Variants in BAZ2B observed in about 807,000 individuals in gnomAD.
The protein encoded by BAZ2B is bromodomain adjacent to zinc finger domain 2B.
Under a neutral mutation model 246.0 loss-of-function variants are expected in BAZ2B, and 91 were observed. The ratio of observed to expected loss-of-function variants is 0.37; its 90% confidence interval spans 0.31 to 0.44. The LOEUF is 0.44. Among genes scored for constraint, BAZ2B ranks in the 20% least tolerant of loss-of-function variants. The probability of loss-of-function intolerance (pLI) is 1.00; values close to 1 mark genes in which losing one functional copy is unlikely to be tolerated. For synonymous variants in BAZ2B, 855 were observed against 860.0 expected, an observed-to-expected ratio of 0.99 and a Z score of 0.10; for missense variants, 2,332 against 2,533.7, an observed-to-expected ratio of 0.92 and a Z score of 1.71.
the BAZ2B span, among the ~76,000 whole-genome samples, chr2:159,682,511 C>T: frequency 1.3e-5 from 2 of 152,030 alleles, no homozygotes; most frequent in African/African-American, 2.4e-5. Context: ...ACATTTGGAA[C>T]TGGAAGGCAA....
chr2:159,572,971 A>C (rs1684388572), intron 1 of BAZ2B, among the ~76,000 whole-genome samples: 1 of 152,208 alleles, frequency 6.6e-6, no homozygotes, highest in South Asian at 2.1e-4. Flanking sequence ...GAAGATGAGA[A>C]GTGCTCACTA....
intron 2 of BAZ2B, among the ~76,000 whole-genome samples, chr2:159,537,368 T>C (rs1217957270): frequency 6.6e-6 from 1 of 152,266 alleles, no homozygotes; most frequent in Non-Finnish European, 1.5e-5. Context: ...GTGATTGAAC[T>C]GTACATCCCC....
chr2:159,577,946 G>A lies in BAZ2B; in HGVS notation c.-45-22081C>T, dbSNP rs13023160. ...AGAGGACTTAAGTAATTTAAAGAAA[G>A]CTACATCAAATTGTCTGAAACCTCA... On this transcript the variant is annotated intron_variant, in intron 1 of 36. Coordinates refer to ENST00000392783, the MANE Select transcript of BAZ2B (RefSeq NM_013450.4). Among the ~76,000 whole-genome samples, 141 of 152,260 alleles carry A rather than the reference G, an allele frequency of 9.3e-4. 1 individual carries two copies. Among genetic ancestry groups the A allele is most frequent in the Middle Eastern group, 3.4e-3 (1 of 294 alleles).
chr2:159,711,050 G>A, the BAZ2B span, among the ~76,000 whole-genome samples: 2 of 152,068 alleles, frequency 1.3e-5, no homozygotes, highest in East Asian at 1.9e-4. Context: ...TATTAACCCC[G>A]TTTTACAGGA....
chr2:159,609,149 C>T (rs1694159505), intron 1 of BAZ2B, among the ~76,000 whole-genome samples: 1 of 152,204 alleles, frequency 6.6e-6, no homozygotes, highest in South Asian at 2.1e-4. Context: ...CTCCTCTTTC[C>T]TTACAGTTAT....
chr2:159,400,731 G>C (rs980322962), intron 16 of BAZ2B, 67 bp from the exon 17 acceptor site: 3 of 956,762 alleles, frequency 3.1e-6, no homozygotes, highest in African/African-American at 1.7e-5. Flanking sequence ...TATTTGAGTG[G>C]AATCAAATAA....
intron 27 of BAZ2B, among the ~76,000 whole-genome samples, chr2:159,367,869 T>TA (rs1056271835): frequency 2.6e-5 from 4 of 151,896 alleles, no homozygotes; most frequent in Non-Finnish European, 4.4e-5. Flanking sequence ...GCCTGGGAGA[T>TA]AGAGTGAGAA....
chr2:159,474,106 C>T (rs1055711501), intron 3 of BAZ2B, among the ~76,000 whole-genome samples: 11 of 151,974 alleles, frequency 7.2e-5, no homozygotes, highest in African/African-American at 1.7e-4. Context: ...GTTCAAGTCC[C>T]GAATATCCTT....
intron 3 of BAZ2B, among the ~76,000 whole-genome samples, chr2:159,470,907 G>A (rs1170706392): frequency 6.6e-6 from 1 of 152,080 alleles, no homozygotes; most frequent in East Asian, 1.9e-4. Context: ...AGCTCAGAGA[G>A]AAAGTCTGGG....
chr2:159,473,458 A>G (rs577656880), intron 3 of BAZ2B, among the ~76,000 whole-genome samples: 3 of 151,626 alleles, frequency 2.0e-5, no homozygotes, highest in African/African-American at 4.8e-5. Flanking sequence ...TCTTCTCTCT[A>G]TTTTTTATTA....
At chr2:159,627,621 C>T in the BAZ2B span, among the ~76,000 whole-genome samples, 7 of 152,226 alleles carry the variant, frequency 4.6e-5, no homozygotes, top group South Asian at 1.0e-3. Flanking sequence ...TTCAAAACCC[C>T]TTCATGCTAA....
At chr2:159,565,542 G>C (rs368500218) in intron 1 of BAZ2B, among the ~76,000 whole-genome samples, 1 of 152,146 alleles carries the variant, frequency 6.6e-6, no homozygotes, top group South Asian at 2.1e-4. Context: ...ACTTTGGGTG[G>C]CCAAGGCGGG....
At chr2:159,504,465 C>T (rs866259062) in intron 2 of BAZ2B, among the ~76,000 whole-genome samples, 4 of 152,126 alleles carry the variant, frequency 2.6e-5, no homozygotes, top group African/African-American at 9.7e-5. Context: ...CAGCTTCCTG[C>T]GTAGTTGAGA....
intron 10 of BAZ2B, among the ~76,000 whole-genome samples, chr2:159,429,954 A>C (rs187058387): frequency 6.6e-6 from 1 of 152,294 alleles, no homozygotes. Context: ...ATGAGAACTG[A>C]GAGTAGTTGT....
intron 14 of BAZ2B, among the ~76,000 whole-genome samples, chr2:159,408,175 A>G (rs1333643398): frequency 6.6e-6 from 1 of 152,198 alleles, no homozygotes; most frequent in African/African-American, 2.4e-5. Context: ...ACAAGTACAC[A>G]GTAATTTTTG....
chr2:159,625,010 AGC>A, the BAZ2B span, among the ~76,000 whole-genome samples: 12 of 152,130 alleles, frequency 7.9e-5, no homozygotes, highest in Non-Finnish European at 1.5e-5. Context: ...TGAAAAACAC[AGC>A]ACGAGAACTT....
intron 1 of BAZ2B, among the ~76,000 whole-genome samples, chr2:159,572,812 A>C (rs527922239): frequency 2.8e-4 from 43 of 152,214 alleles, no homozygotes; most frequent in Non-Finnish European, 5.6e-4. Context: ...AAACCAAAAC[A>C]AAAACAAAAA....
intron 2 of BAZ2B, among the ~76,000 whole-genome samples, chr2:159,501,883 G>A (rs529732818): frequency 1.3e-5 from 2 of 152,230 alleles, no homozygotes; most frequent in African/African-American, 4.8e-5. Flanking sequence ...GTACCTGAAT[G>A]TTCATAGCTA....
rs755077207 is a variant in BAZ2B at position 159,478,608 on chromosome 2, C to G, written c.112G>C (p.Val38Leu). ...TTGATTGTAGAGCTAAGTGAAGCAACTCCAGTGGAAAGGCCACCTTTTGAA... is the reference window on the plus strand; with the variant it reads ...TTGATTGTAGAGCTAAGTGAAGCAAGTCCAGTGGAAAGGCCACCTTTTGAA... ...VVSKGGLSTG[V>L]ASLSSTINPC... Residue 38 changes from valine (V) to leucine (L), a missense_variant, in exon 3 of 37, where the codon GTT becomes CTT. Around this residue, in one of 9 missense-constraint regions of BAZ2B, gnomAD observed 242 missense variants for 237.4 expected, o/e 1.02. Transcript: ENST00000392783. 1.9e-6 allele frequency: 3 copies of G among 1,611,810 alleles called. No homozygotes were observed. Among genetic ancestry groups the G allele is most frequent in the Non-Finnish European group, 2.5e-6 (3 of 1,178,782 alleles).
Sources: allele counts gnomAD v4.1 joint callset (sites outside exome capture counted in the v4.1 genomes callset), GRCh38; gene constraint gnomAD v4.1.1; regional missense constraint gnomAD v4.1.1; transcripts MANE v1.5; gene names NCBI Gene and HGNC (gene_info 2026-07-23, HGNC 2026-07-21).